Variants in KCNQ5 observed in about 807,000 individuals in gnomAD.
The protein encoded by KCNQ5 is potassium voltage-gated channel subfamily Q member 5.
Under a neutral mutation model 98.2 loss-of-function variants are expected in KCNQ5, and 30 were observed. The ratio of observed to expected loss-of-function variants is 0.31; its 90% CI spans 0.23 to 0.41. The LOEUF is 0.41. Ranked by LOEUF, KCNQ5 falls within the 10% of genes least tolerant of loss-of-function variation. The probability of loss-of-function intolerance (pLI) is 1.00; values close to 1 mark genes in which losing one functional copy is unlikely to be tolerated. For missense variants in KCNQ5, 835 were observed against 1,182.5 expected (o/e 0.71, Z 4.31); for synonymous variants, 458 against 449.4 (o/e 1.02, Z -0.24).
chr6:72,975,973 G>C (rs1275247133), intron 1 of KCNQ5, among the ~76,000 whole-genome samples: 1 of 152,182 alleles, frequency 6.6e-6, no homozygotes, highest in Non-Finnish European at 1.5e-5. Context: ...AGTGAATCAT[G>C]TAGGTCTAAT....
intron 1 of KCNQ5, among the ~76,000 whole-genome samples, chr6:72,663,544 A>C (rs2154472995): frequency 6.6e-6 from 1 of 152,342 alleles, no homozygotes; most frequent in Non-Finnish European, 1.5e-5. Flanking sequence ...TTTTTTAAAA[A>C]GTAATATTCA....
At chr6:73,095,453 C>T (rs918087600) in intron 5 of KCNQ5, among the ~76,000 whole-genome samples, 2 of 152,092 alleles carry the variant, frequency 1.3e-5, no homozygotes, top group African/African-American at 4.8e-5. Flanking sequence ...GGTTTGGGTC[C>T]ATTGCTGGGG....
intron 1 of KCNQ5, among the ~76,000 whole-genome samples, chr6:72,768,505 CT>C (rs2154477317): frequency 6.6e-6 from 1 of 152,054 alleles, no homozygotes; most frequent in Non-Finnish European, 1.5e-5. Flanking sequence ...TTTGATGTGA[CT>C]GTTTTAGTAT....
chr6:73,195,398 A>C lies in KCNQ5; in HGVS notation c.2783A>C (p.His928Pro). The part of the protein sequence containing the change: ...GESTDALSLP[H>P]VKLK ...AGTACAGATGCCCTCAGCTTGCCTC[A>C]TGTCAAACTGAAATAAGTTCTTCAT... Residue 928 changes from histidine (H) to proline (P), a missense_variant, in exon 14 of 14, where the codon CAT becomes CCT. This residue lies in a region of KCNQ5 where 416 missense variants were observed against 446.9 expected (regional missense o/e 0.93). Coordinates refer to ENST00000370398, the MANE Select transcript of KCNQ5 (RefSeq NM_019842.4). 1.2e-6 allele frequency: 2 copies of C among 1,612,646 alleles called. No individual in the cohort carries two copies. The highest frequency in any genetic ancestry group is 2.7e-5 in the African/African-American group (2 of 75,012).
intron 1 of KCNQ5, among the ~76,000 whole-genome samples, chr6:72,972,711 T>C (rs1479648982): frequency 1.3e-5 from 2 of 152,192 alleles, no homozygotes; most frequent in African/African-American, 4.8e-5. Flanking sequence ...TATAAGTGCC[T>C]GGTGGTTAAC....
At chr6:72,633,082 C>T (rs1256188318) in intron 1 of KCNQ5, among the ~76,000 whole-genome samples, 1 of 152,176 alleles carries the variant, frequency 6.6e-6, no homozygotes, top group Non-Finnish European at 1.5e-5. Context: ...TCTGCAGTCT[C>T]ACCAGCATCT....
rs528346970 is a variant in KCNQ5, at chr6:72,876,822, A to T, written c.399-127086A>T. 1.1e-4 allele frequency among the ~76,000 whole-genome samples: 17 copies of T among 152,324 alleles called. 2 individuals are homozygous for T. In the South Asian group the frequency reaches 3.5e-3, roughly 32 times the overall value. ...TAGTTAGAGATCAAGTTTACAGAGTACAGAATTAGGACCTTGGTATGTTTG... is the reference window on the plus strand; with the variant it reads ...TAGTTAGAGATCAAGTTTACAGAGTTCAGAATTAGGACCTTGGTATGTTTG... On this transcript the variant is annotated intron_variant, in intron 1 of 13. Coordinates refer to ENST00000370398, the MANE Select transcript of KCNQ5 (RefSeq NM_019842.4).
intron 1 of KCNQ5, among the ~76,000 whole-genome samples, chr6:72,685,582 G>GT (rs1162076342): frequency 6.6e-6 from 1 of 151,762 alleles, no homozygotes; most frequent in Admixed American, 6.6e-5. Flanking sequence ...GTAAGTTTTT[G>GT]TTTTTTTCAT....
At chr6:72,671,889 T>A (rs1467147502) in intron 1 of KCNQ5, among the ~76,000 whole-genome samples, 1 of 152,080 alleles carries the variant, frequency 6.6e-6, no homozygotes, top group African/African-American at 2.4e-5. Context: ...CGATCTCGGC[T>A]CACTGCGAGC....
intron 1 of KCNQ5, among the ~76,000 whole-genome samples, chr6:72,929,846 T>C (rs1419912750): frequency 2.0e-5 from 3 of 152,166 alleles, no homozygotes; most frequent in Non-Finnish European, 4.4e-5. Flanking sequence ...ATTAGGTAGA[T>C]ATTTGTTAAT....
intron 1 of KCNQ5, among the ~76,000 whole-genome samples, chr6:72,888,616 G>C (rs1778940483): frequency 6.6e-6 from 1 of 152,104 alleles, no homozygotes; most frequent in Non-Finnish European, 1.5e-5. Context: ...CTCAGAATTG[G>C]GGGACCATAA....
At chr6:72,683,558 G>A (rs901798333) in intron 1 of KCNQ5, among the ~76,000 whole-genome samples, 2 of 151,570 alleles carry the variant, frequency 1.3e-5, no homozygotes, top group African/African-American at 2.4e-5. Flanking sequence ...TAGAAGAGAC[G>A]GGGTTTCACC....
intron 3 of KCNQ5, among the ~76,000 whole-genome samples, chr6:73,058,200 CAGG>C (rs1463858346): frequency 2.6e-5 from 4 of 152,176 alleles, no homozygotes; most frequent in Admixed American, 2.6e-4. Context: ...ATCACGAGGT[CAGG>C]AGATCGAGAC....
chr6:72,634,212 A>G (rs1405323804), intron 1 of KCNQ5, among the ~76,000 whole-genome samples: 1 of 152,194 alleles, frequency 6.6e-6, no homozygotes, highest in African/African-American at 2.4e-5. Flanking sequence ...TAAATGAATT[A>G]TAGTTAAAAT....
chr6:73,071,062 A>G (rs1357447615), intron 3 of KCNQ5, among the ~76,000 whole-genome samples: 1 of 152,136 alleles, frequency 6.6e-6, no homozygotes, highest in Non-Finnish European at 1.5e-5. Context: ...CATCTAAAAC[A>G]GGAGGGGGAT....
At chr6:73,154,774 G>A (rs1176906677) in intron 10 of KCNQ5, among the ~76,000 whole-genome samples, 1 of 151,890 alleles carries the variant, frequency 6.6e-6, no homozygotes, top group Non-Finnish European at 1.5e-5. Context: ...TATTTTCATG[G>A]GCTAATAGGG....
chr6:73,139,660 T>G (rs1320944832), intron 10 of KCNQ5, among the ~76,000 whole-genome samples: 1 of 152,176 alleles, frequency 6.6e-6, no homozygotes, highest in Non-Finnish European at 1.5e-5. Context: ...ACTGTCTCCT[T>G]GAATTTCAAA....
At chr6:72,720,099 C>T (rs982912009) in intron 1 of KCNQ5, among the ~76,000 whole-genome samples, 3 of 152,198 alleles carry the variant, frequency 2.0e-5, no homozygotes, top group Non-Finnish European at 1.5e-5. Flanking sequence ...ACCATGTGGC[C>T]TCTGGCAGTG....
chr6:72,669,791 C>T (rs191529694), intron 1 of KCNQ5, among the ~76,000 whole-genome samples: 1 of 152,228 alleles, frequency 6.6e-6, no homozygotes, highest in East Asian at 1.9e-4. Flanking sequence ...CTACTCCTGG[C>T]TGTGCTGAGA....
Sources: allele counts gnomAD v4.1 joint callset (sites outside exome capture counted in the v4.1 genomes callset), GRCh38; gene constraint gnomAD v4.1.1; regional missense constraint gnomAD v4.1.1; transcripts MANE v1.5; gene names NCBI Gene and HGNC (gene_info 2026-07-23, HGNC 2026-07-21).